The following GPD1 variants were observed in gnomAD, a reference collection of about 807,000 sequenced individuals.
GPD1 encodes glycerol-3-phosphate dehydrogenase 1.
In GPD1, 19 loss-of-function variants were observed where a neutral mutation model predicts 34.4. The observed-to-expected ratio is 0.55, with a 90% CI of 0.39 to 0.81. The LOEUF (loss-of-function observed/expected upper bound fraction) is 0.81. GPD1 is among the 30% of genes least tolerant of loss of function. GPD1 has a pLI of 0.00. For missense variants in GPD1, 429 were observed against 447.0 expected (o/e 0.96, Z 0.36); for synonymous variants, 172 against 174.1 (o/e 0.99, Z 0.09).
chr12:50,104,261 C>T, intron 1 of GPD1, 170 bp downstream of exon 1: 1 of 727,590 alleles, frequency 1.4e-6, no homozygotes, highest in Non-Finnish European at 2.4e-6. Flanking sequence ...TGACCCCCGC[C>T]CTCCTGGGCA....
At chr12:50,106,091 G>C in intron 3 of GPD1, 197 bp from the exon 4 acceptor site, 1 of 618,990 alleles carries the variant, frequency 1.6e-6, no homozygotes. Context: ...GAAGTAGACT[G>C]GTTGAGGGTA....
intron 2 of GPD1, 107 bp from the exon 3 acceptor site, chr12:50,105,441 C>T: frequency 2.6e-6 from 3 of 1,150,510 alleles, no homozygotes; most frequent in Non-Finnish European, 3.7e-6. Flanking sequence ...ACAAGCCTTC[C>T]TGCTCCCCTA....
chr12:50,110,926 C>G lies in GPD1; in HGVS notation c.*1407C>G, dbSNP rs1479188987. On this transcript the variant is annotated 3_prime_UTR_variant, in exon 8 of 8. Coordinates refer to ENST00000301149, the MANE Select transcript of GPD1 (RefSeq NM_005276.4). ...TAGTCCGGAGGGCCCGAGAGGCTCC[C>G]GCCCGTCCAGCAGGGCTGTCAGCTT... 6.5e-6 allele frequency: 1 copy of G among 152,734 alleles called. No individual in the cohort carries two copies. Among genetic ancestry groups the G allele is most frequent in the Non-Finnish European group, 1.5e-5 (1 of 68,114 alleles). 9.5% of individuals were successfully genotyped at this position (152,734 alleles called of 1,614,324 possible).
At chr12:50,109,306 C>A in intron 7 of GPD1, 117 bp from the exon 8 acceptor site, 1 of 660,396 alleles carries the variant, frequency 1.5e-6, no homozygotes, top group Non-Finnish European at 2.8e-6. Context: ...CACAGCCATC[C>A]TTCCTGAGCT....
At chr12:50,109,323 T>G in intron 7 of GPD1, 100 bp from the exon 8 acceptor site, 1 of 702,378 alleles carries the variant, frequency 1.4e-6, no homozygotes, top group Non-Finnish European at 2.6e-6. Flanking sequence ...AGCTCCAAGG[T>G]GGGAGGGCAA....
In GPD1 at chr12:50,107,623, C is replaced by T; in HGVS notation, c.669C>T (p.Thr223=). Residue 223 remains threonine (T), a synonymous_variant, in exon 6 of 8, where the codon ACC becomes ACT. Coordinates refer to ENST00000301149, the MANE Select transcript of GPD1 (RefSeq NM_005276.4). ...ATGGCCTGGGCTTTGGCGACAACAC[C>T]AAGGCGGCAGTGATCCGGCTGGGAC... ...FCDGLGFGDN[T]KAAVIRLGLM... is the part of the protein sequence containing the mutation. 2 of 1,614,122 alleles carry T rather than the reference C, an allele frequency of 1.2e-6. No individual in the cohort carries two copies. The highest frequency in any genetic ancestry group is 1.3e-5 in the African/African-American group (1 of 75,022).
Position 50,109,603 on chromosome 12 carries a change from C to T in GPD1, c.*84C>T, listed in dbSNP as rs1269262961. The T allele has an allele frequency of 8.0e-6, 6 of 747,428 alleles. No individual in the cohort carries two copies. In the East Asian group the frequency reaches 1.5e-4, roughly 19 times the overall value. The allele number at this position is 747,428 out of a possible 1,614,324, so 46.3% of individuals were successfully genotyped here. ...TGGGGTACCTAGTCACCAGGATCTC[C>T]AGGACTCCCAGGGAGCAGAGTCTTC... On this transcript the variant is annotated 3_prime_UTR_variant, in exon 8 of 8. Transcript: ENST00000301149.
chr12:50,106,288 G>A lies in GPD1; in HGVS notation c.361G>A (p.Gly121Arg), dbSNP rs35428353. The A allele has an allele frequency of 1.9e-3, 3,119 of 1,607,260 alleles. 5 individuals carry two copies. The highest frequency in any genetic ancestry group is 2.5e-3 in the Non-Finnish European group (2,916 of 1,177,818). Residue 121 changes from glycine (G) to arginine (R), a missense_variant and splice_region_variant, in exon 4 of 8, where the codon GGG (glycine) becomes AGG (arginine). Coordinates refer to ENST00000301149, the MANE Select transcript of GPD1 (RefSeq NM_005276.4). ...GGCCTGAGCTCCATCCTGTGCTCAG[G>A]GGGTAGACGAGGGCCCCAATGGGCT... ...ANATGISLIK[G>R]VDEGPNGLKL...
Position 50,108,027 on chromosome 12 carries a change from A to G in GPD1, c.850A>G (p.Ile284Val), listed in dbSNP as rs148598781. ...ACTCATCCTGTTTTCTGCACAGTCC[A>G]TTGAGCAGCTGGAGAAAGAGTTGCT... ...AEAFARTGKS[I>V]EQLEKELLNG... Residue 284 changes from isoleucine to valine, a missense_variant, in exon 7 of 8, where the codon ATT becomes GTT. Transcript: ENST00000301149. The G allele has an allele frequency of 2.4e-4, 389 of 1,605,490 alleles. 5 individuals are homozygous for G. In the East Asian group the frequency reaches 8.2e-3, roughly 34 times the overall value.
intron 5 of GPD1, 43 bp from the exon 6 acceptor site, chr12:50,107,524 T>C (rs1394022523): frequency 1.4e-6 from 2 of 1,437,688 alleles, no homozygotes; most frequent in Admixed American, 1.7e-5. Context: ...ATGGGGCCTA[T>C]AGGAGGGGGT....
Position 50,104,649 on chromosome 12 carries a change from G to C in GPD1, c.117G>C (p.Trp39Cys). The C allele has an allele frequency of 1.9e-6, 3 of 1,613,748 alleles. No homozygotes were observed. The highest frequency in any genetic ancestry group is 2.5e-6 in the Non-Finnish European group (3 of 1,179,636). Residue 39 changes from tryptophan (W) to cysteine (C), a missense_variant, in exon 2 of 8, where the codon TGG becomes TGC. Transcript: ENST00000301149. Reference protein sequence around the residue: ...LAQFDPRVTMWVFEEDIGGKK... With the variant: ...LAQFDPRVTMCVFEEDIGGKK... ...AGTTTGACCCACGGGTGACCATGTG[G>C]GTATTTGAGGAAGACATTGGAGGCA... is the stretch of plus-strand genomic sequence containing the variant.
chr12:50,107,810 G>C lies in GPD1; in HGVS notation c.846+10G>C, dbSNP rs200453933. The stretch of plus-strand genomic sequence containing the variant: ...TGCGCGTACAGGAAAGGTGGGCCCC[G>C]GGAGAAGGGAGAACAGAGGGGCGGC... On this transcript the variant is annotated intron_variant, in intron 6 of 7. Coordinates refer to ENST00000301149, the MANE Select transcript of GPD1 (RefSeq NM_005276.4). 1.3e-6 allele frequency: 2 copies of C among 1,583,656 alleles called. No homozygotes were observed. The highest frequency in any genetic ancestry group is 2.2e-5 in the South Asian group (2 of 90,482).
rs762062714 is a variant in GPD1, at chr12:50,108,076, C to A, written c.899C>A (p.Pro300His). The A allele has an allele frequency of 3.1e-6, 5 of 1,613,320 alleles. No individual in the cohort carries two copies. The highest frequency in any genetic ancestry group is 4.2e-6 in the Non-Finnish European group (5 of 1,179,500). ...CTGAATGGGCAGAAACTGCAGGGGC[C>A]CGAGACAGCCCGGGAGCTATACAGC... The part of the protein sequence containing the change: ...ELLNGQKLQG[P>H]ETARELYSIL... The change falls in exon 7 of 8, where the codon CCC becomes CAC. Residue 300 changes from proline to histidine, a missense_variant. Physicochemically the swap from Pro to His is moderately conservative, Grantham distance 77. Coordinates refer to ENST00000301149, the MANE Select transcript of GPD1 (RefSeq NM_005276.4).
chr12:50,106,154 G>T (rs950271050), intron 3 of GPD1, 134 bp from the exon 4 acceptor site: 2 of 766,310 alleles, frequency 2.6e-6, no homozygotes, highest in Non-Finnish European at 2.1e-6. Context: ...GCAAACTTGA[G>T]CTGGGTTGGA....
Position 50,109,707 on chromosome 12 carries a change from G to T in GPD1, c.*188G>T. On this transcript the variant is annotated 3_prime_UTR_variant, in exon 8 of 8. Transcript: ENST00000301149. ...ATCCTGAACTGTCAAGCCACTGGCA[G>T]CCTCATGCCACCACATTTGCCAGAA... 1 of 569,400 alleles carries T rather than the reference G, an allele frequency of 1.8e-6. No individual in the cohort carries two copies. Among genetic ancestry groups the T allele is most frequent in the Admixed American group, 3.0e-5 (1 of 33,028 alleles). 35.3% of individuals were successfully genotyped at this position (569,400 alleles called of 1,614,324 possible). A position where few individuals can be genotyped will look rare whatever the true frequency, so the allele number is the denominator to read the frequency against.
chr12:50,110,065 ACAAAATACAAAGATCT>A lies in GPD1; in HGVS notation c.*551_*566del. ...CTTCGATGGATCTCAGTGTTTGTTA[ACAAAATACAAAGATCT>A]CAAACAAACCCCTTTTAGCTTCTCC... is the stretch of plus-strand genomic sequence containing the variant. On this transcript the variant is annotated 3_prime_UTR_variant, in exon 8 of 8. Coordinates refer to ENST00000301149, the MANE Select transcript of GPD1 (RefSeq NM_005276.4). The A allele has an allele frequency of 6.5e-6, 1 of 152,910 alleles. No homozygotes were observed. Among genetic ancestry groups the A allele is most frequent in the East Asian group, 1.9e-4 (1 of 5,188 alleles). 9.5% of individuals were successfully genotyped at this position (152,910 alleles called of 1,614,324 possible).
chr12:50,104,134 C>G (rs200223726), intron 1 of GPD1, 43 bp downstream of exon 1: 4 of 1,590,618 alleles, frequency 2.5e-6, no homozygotes, highest in Middle Eastern at 3.3e-4. Context: ...GGTAGGCCCC[C>G]CAAGACAGAG....
chr12:50,105,017 T>C (rs1468859252), intron 2 of GPD1: 6 of 495,070 alleles, frequency 1.2e-5, no homozygotes, highest in African/African-American at 9.6e-5. Flanking sequence ...GCTCCCAGAC[T>C]TGGGGTCCAG....
At chr12:50,105,867 A>G in intron 3 of GPD1, 179 bp downstream of exon 3, 1 of 727,144 alleles carries the variant, frequency 1.4e-6, no homozygotes, top group Admixed American at 2.0e-5. Context: ...GGGTCACTGG[A>G]AGGGAGGCTG....
Sources: allele counts gnomAD v4.1 joint callset, GRCh38; gene constraint gnomAD v4.1.1; transcripts MANE v1.5; gene names NCBI Gene and HGNC (gene_info 2026-07-23, HGNC 2026-07-21).